DAPP1: variants seen among roughly 807,000 people sequenced by gnomAD.
DAPP1 encodes dual adapter for phosphotyrosine and 3-phosphotyrosine and 3-phosphoinositide.
DAPP1 carries 20 observed loss-of-function variants against 41.5 expected under a neutral mutation model. The observed-to-expected ratio is 0.48, with a 90% CI of 0.34 to 0.70. The LOEUF is 0.70. Ranked by LOEUF, DAPP1 falls within the 30% of genes least tolerant of loss-of-function variation. The pLI is 0.01. For missense variants in DAPP1, 233 were observed against 333.4 expected (o/e 0.70, Z 2.35); for synonymous variants, 113 against 116.2 (o/e 0.97, Z 0.18).
intron 7 of DAPP1, 100 bp from the exon 8 acceptor site, chr4:99,865,922 TATAATATATATA>T (rs1724419050): frequency 9.6e-6 from 1 of 104,220 alleles, no homozygotes; most frequent in Non-Finnish European, 1.8e-5. Context: ...TATATATATA[TATAATATATATA>T]ATATATTATA....
chr4:99,846,774 T>C (rs1490127670), intron 3 of DAPP1, among the ~76,000 whole-genome samples: 1 of 152,190 alleles, frequency 6.6e-6, no homozygotes, highest in Non-Finnish European at 1.5e-5. Context: ...CAGAATTTTC[T>C]CCTACACTGA....
intron 7 of DAPP1, chr4:99,864,911 T>C (rs1431320735): frequency 1.3e-5 from 2 of 152,214 alleles, no homozygotes; most frequent in East Asian, 3.9e-4. Context: ...CAGCAGCTGA[T>C]CATAATTGGC....
At chr4:99,864,341 GT>G (rs1245100007) in intron 7 of DAPP1, 1 of 152,808 alleles carries the variant, frequency 6.5e-6, no homozygotes, top group Non-Finnish European at 1.5e-5. Context: ...GCATACACAA[GT>G]TGAAAGACAT....
intron 4 of DAPP1, 142 bp downstream of exon 4, chr4:99,853,490 C>A (rs967763295): frequency 8.5e-7 from 1 of 1,182,902 alleles, no homozygotes; most frequent in Non-Finnish European, 1.2e-6. Context: ...AGATTTGAAG[C>A]CTATGACTCA....
intron 4 of DAPP1, among the ~76,000 whole-genome samples, chr4:99,857,793 A>G (rs1724099719): frequency 1.3e-5 from 2 of 151,954 alleles, no homozygotes; most frequent in South Asian, 4.1e-4. Context: ...TTAACTATAT[A>G]TTTAAAATTT....
At chr4:99,866,752 ATTTCTTTTTTTCTATTTTT>A (rs1724474278) in intron 8 of DAPP1, 7 of 473,512 alleles carry the variant, frequency 1.5e-5, no homozygotes, top group Admixed American at 4.1e-5. Context: ...AACTTTGATG[ATTTCTTTTTTTCTATTTTT>A]TTTTTTTTTT....
chr4:99,817,075 C>G (rs968243668), intron 1 of DAPP1, 61 bp downstream of exon 1: 12 of 1,268,450 alleles, frequency 9.5e-6, no homozygotes, highest in Non-Finnish European at 1.2e-5. Context: ...CGCACTCCCA[C>G]CTGCATGCTT....
intron 1 of DAPP1, among the ~76,000 whole-genome samples, chr4:99,830,498 A>T (rs1286736513): frequency 6.6e-6 from 1 of 152,234 alleles, no homozygotes; most frequent in Non-Finnish European, 1.5e-5. Flanking sequence ...CTCTATAAAC[A>T]TCAGACAAGG....
chr4:99,847,247 T>C (rs1295462945), intron 3 of DAPP1, among the ~76,000 whole-genome samples: 3 of 152,232 alleles, frequency 2.0e-5, no homozygotes, highest in South Asian at 2.1e-4. Flanking sequence ...AGTTTTTCTT[T>C]AGGAGTTTTG....
chr4:99,867,164 TCA>T (rs749937758), intron 8 of DAPP1, among the ~76,000 whole-genome samples: 2 of 152,212 alleles, frequency 1.3e-5, no homozygotes, highest in African/African-American at 2.4e-5. Context: ...ACTTTTGCTT[TCA>T]GTTATGTTTT....
intron 3 of DAPP1, chr4:99,844,483 C>G (rs17539883): frequency 6.6e-6 from 1 of 152,092 alleles, no homozygotes; most frequent in East Asian, 1.9e-4. Context: ...TTGTAATTAG[C>G]TAAGTTTCAT....
intron 1 of DAPP1, among the ~76,000 whole-genome samples, chr4:99,829,736 C>T (rs1162036939): frequency 6.6e-6 from 1 of 151,984 alleles, no homozygotes; most frequent in Non-Finnish European, 1.5e-5. Context: ...TTAAAGTGTT[C>T]TAGATGAAAG....
At chr4:99,861,311 A>T (rs528712907) in intron 4 of DAPP1, among the ~76,000 whole-genome samples, 28 of 152,322 alleles carry the variant, frequency 1.8e-4, no homozygotes, top group Non-Finnish European at 3.4e-4. Context: ...ACCTTGACAA[A>T]CACAGACTTT....
chr4:99,832,235 G>T (rs1004410), intron 1 of DAPP1, among the ~76,000 whole-genome samples: 3,507 of 152,262 alleles, frequency 0.023, 56 homozygotes, highest in Middle Eastern at 0.034. Flanking sequence ...AGGCAGAAAA[G>T]GTTGATTATG....
intron 1 of DAPP1, among the ~76,000 whole-genome samples, chr4:99,834,842 G>A (rs1384720997): frequency 6.6e-6 from 1 of 152,118 alleles, no homozygotes; most frequent in East Asian, 1.9e-4. Context: ...AACAGGATTG[G>A]TTCCTTCCGA....
At chr4:99,863,994 C>A in intron 7 of DAPP1, 139 bp downstream of exon 7, 2 of 602,552 alleles carry the variant, frequency 3.3e-6, no homozygotes, top group South Asian at 2.1e-5. Flanking sequence ...GGAGTGTTTT[C>A]AGCTGAGTGT....
chr4:99,853,759 C>T (rs1280188030), intron 4 of DAPP1, among the ~76,000 whole-genome samples: 1 of 152,056 alleles, frequency 6.6e-6, no homozygotes, highest in Non-Finnish European at 1.5e-5. Flanking sequence ...GTTGAGGCTG[C>T]AGTGAGCTGT....
intron 5 of DAPP1, among the ~76,000 whole-genome samples, chr4:99,862,352 C>G (rs1194226551): frequency 2.6e-5 from 4 of 152,136 alleles, no homozygotes; most frequent in Non-Finnish European, 5.9e-5. Context: ...CACATTGACA[C>G]CCAGGATAGA....
intron 4 of DAPP1, among the ~76,000 whole-genome samples, chr4:99,857,663 A>G (rs956211927): frequency 2.0e-5 from 3 of 150,056 alleles, no homozygotes; most frequent in African/African-American, 7.4e-5. Context: ...TTATCCTTTC[A>G]GTCTTTTACT....
Sources: allele counts gnomAD v4.1 joint callset (sites outside exome capture counted in the v4.1 genomes callset), GRCh38; gene constraint gnomAD v4.1.1; transcripts MANE v1.5; gene names NCBI Gene and HGNC (gene_info 2026-07-23, HGNC 2026-07-21).